FAT1: variants seen among roughly 807,000 people sequenced by gnomAD.
The protein encoded by FAT1 is FAT atypical cadherin 1.
Under a neutral mutation model 329.8 loss-of-function variants are expected in FAT1, and 171 were observed. The observed-to-expected ratio is 0.52, with a 90% confidence interval of 0.46 to 0.59. The LOEUF (loss-of-function observed/expected upper bound fraction) is 0.59, where lower values mean the gene tolerates loss of function less well. Among genes scored for constraint, FAT1 ranks in the 20% least tolerant of loss-of-function variants. FAT1 has a pLI of 0.00. For missense variants in FAT1, 5,672 were observed against 5,774.4 expected, an observed-to-expected ratio of 0.98 and a Z score of 0.57; for synonymous variants, 2,233 against 2,228.6, an observed-to-expected ratio of 1.00 and a Z score of -0.06.
At chr4:186,682,935 G>C (rs1453664768) in intron 2 of FAT1, among the ~76,000 whole-genome samples, 2 of 152,188 alleles carry the variant, frequency 1.3e-5, no homozygotes, top group Non-Finnish European at 2.9e-5. Context: ...CCACAAAACG[G>C]AGTCCTCTCC....
At chr4:186,689,063 G>A (rs977162498) in intron 2 of FAT1, among the ~76,000 whole-genome samples, 4 of 152,186 alleles carry the variant, frequency 2.6e-5, no homozygotes, top group African/African-American at 9.7e-5. Context: ...GAAAAGCATG[G>A]GTTTTGAATT....
At chr4:186,590,543 T>G in intron 26 of FAT1, 1 of 479,618 alleles carries the variant, frequency 2.1e-6, no homozygotes, top group Non-Finnish European at 4.0e-6. Context: ...CTTACGCCAG[T>G]ATCTATGACA....
chr4:186,614,577 C>T (rs1739615154), intron 11 of FAT1, among the ~76,000 whole-genome samples: 1 of 152,176 alleles, frequency 6.6e-6, no homozygotes, highest in Admixed American at 6.5e-5. Context: ...AAGAGCCTGG[C>T]CTGACATTTA....
chr4:186,636,748 G>A lies in FAT1; in HGVS notation c.3809C>T (p.Pro1270Leu), dbSNP rs749853000. The A allele has an allele frequency of 1.4e-5, 23 of 1,613,678 alleles. No homozygotes were observed. Among genetic ancestry groups the A allele is most frequent in the Admixed American group, 3.3e-5 (2 of 59,968 alleles). ...PDRERNARRE[P>L]LYHVIATDKD... ...GTCGGTGGCTATGACGTGATAGAGC[G>A]GCTCCCGTCTGGCATTTCTTTCTCG... The change falls in exon 5 of 27, where the codon CCG becomes CTG. Residue 1270 changes from proline to leucine, a missense_variant. Coordinates refer to ENST00000441802, the MANE Select transcript of FAT1 (RefSeq NM_005245.4).
chr4:186,652,330 G>C (rs1741707473), intron 3 of FAT1, among the ~76,000 whole-genome samples: 1 of 152,092 alleles, frequency 6.6e-6, no homozygotes, highest in African/African-American at 2.4e-5. Context: ...CTAATCTCAG[G>C]CACCCAAATG....
intron 3 of FAT1, among the ~76,000 whole-genome samples, chr4:186,658,982 G>A (rs529013218): frequency 5.9e-5 from 9 of 152,328 alleles, no homozygotes; most frequent in South Asian, 2.1e-4. Context: ...ACACGGCCAC[G>A]CACTGCATAA....
rs376182100 is a variant in FAT1 at position 186,617,447 on chromosome 4, A to G, written c.8879-246T>C. Among the ~76,000 whole-genome samples the G allele has an allele frequency of 7.2e-5, 11 of 152,346 alleles. 1 individual carries two copies. Among genetic ancestry groups the G allele is most frequent in the Admixed American group, 6.5e-5 (1 of 15,300 alleles). ...ATTAAAACTATAGATGTTTTTAATT[A>G]TATTTATTATACACTAAGTATAAGG... On this transcript the variant is annotated intron_variant, in intron 10 of 26. Coordinates refer to ENST00000441802, the MANE Select transcript of FAT1 (RefSeq NM_005245.4).
intron 7 of FAT1, among the ~76,000 whole-genome samples, chr4:186,629,669 A>G (rs1740495895): frequency 6.6e-6 from 1 of 152,228 alleles, no homozygotes; most frequent in African/African-American, 2.4e-5. Flanking sequence ...AGAGCGGTCA[A>G]CCACATGGTG....
chr4:186,707,777 G>T lies in FAT1; in HGVS notation c.2051C>A (p.Ala684Glu). 1 of 1,613,640 alleles carries T rather than the reference G, an allele frequency of 6.2e-7. No individual in the cohort carries two copies. The highest frequency in any genetic ancestry group is 8.5e-7 in the Non-Finnish European group (1 of 1,179,888). Residue 684 changes from alanine to glutamate, a missense_variant, in exon 2 of 27, where the codon GCA becomes GAA. Ala to Glu is a moderately radical substitution (Grantham distance 107). Around this residue, in one of 2 missense-constraint regions of FAT1, gnomAD observed 3,966 missense variants for 3,915.2 expected, o/e 1.01. Transcript: ENST00000441802. ...CEETGVAKML[A>E]EKLLQANKLH... ...TTTATTTGCCTGCAGGAGCTTCTCT[G>T]CCAGCATTTTGGCAACACCAGTCTC...
intron 2 of FAT1, among the ~76,000 whole-genome samples, chr4:186,666,440 A>G (rs1414439046): frequency 6.6e-6 from 1 of 152,240 alleles, no homozygotes; most frequent in Non-Finnish European, 1.5e-5. Context: ...ACGTCAGGGG[A>G]TAACAGAATG....
In FAT1 at chr4:186,620,710, A is replaced by G. The variant is rs772173652; in HGVS notation, c.5876T>C (p.Phe1959Ser). 1 of 1,614,024 alleles carries G rather than the reference A, an allele frequency of 6.2e-7. No homozygotes were observed. The highest frequency in any genetic ancestry group is 8.5e-7 in the Non-Finnish European group (1 of 1,179,898). Residue 1959 changes from phenylalanine to serine, a missense_variant, in exon 10 of 27, where the codon TTT becomes TCT. Phe to Ser is a radical substitution (Grantham distance 155). This residue lies in a region of FAT1 where 3,966 missense variants were observed against 3,915.2 expected (regional missense o/e 1.01). Transcript: ENST00000441802. ...AATTTTGACAGAGGTAAGGCCGGCA[A>G]ATCTGCCATCGGAAGCTCTAACGGT... ...ELTVRASDGR[F>S]AGLTSVKINV...
In FAT1 at chr4:186,619,791, A is replaced by G. The variant is rs1379605009; in HGVS notation, c.6795T>C (p.Ala2265=). The G allele has an allele frequency of 6.2e-7, 1 of 1,614,056 alleles. No individual in the cohort carries two copies. The highest frequency in any genetic ancestry group is 1.3e-5 in the African/African-American group (1 of 75,058). Residue 2265 remains alanine (A), a synonymous_variant, in exon 10 of 27, where the codon GCT becomes GCC. Transcript: ENST00000441802. ...CTACTATGATGTCCACAAATACTTC[A>G]GCATGAGCGCCCGTCAAGGAGTCAG... ...RATDSLTGAH[A]EVFVDIIVDD... is the part of the protein sequence containing the mutation.
intron 26 of FAT1, among the ~76,000 whole-genome samples, chr4:186,594,681 T>C (rs944291712): frequency 1.0e-5 from 1 of 95,448 alleles, no homozygotes; most frequent in African/African-American, 3.7e-5. Context: ...TGAAAGTATA[T>C]ATATATATAT....
At chr4:186,686,236 T>TCCCCC (rs1420782301) in intron 2 of FAT1, among the ~76,000 whole-genome samples, 2 of 97,172 alleles carry the variant, frequency 2.1e-5, no homozygotes, top group African/African-American at 6.4e-5. Context: ...TTGAGAATTT[T>TCCCCC]CACCCCCCCC....
chr4:186,654,941 C>T (rs1377526209), intron 3 of FAT1, among the ~76,000 whole-genome samples: 1 of 151,522 alleles, frequency 6.6e-6, no homozygotes. Flanking sequence ...AAAAACTTCA[C>T]TCTACAGGAT....
chr4:186,664,934 T>C (rs551692347), intron 2 of FAT1, among the ~76,000 whole-genome samples: 1 of 152,168 alleles, frequency 6.6e-6, no homozygotes, highest in Non-Finnish European at 1.5e-5. Flanking sequence ...TTGAGAAAAA[T>C]ACACTGTTGC....
intron 2 of FAT1, among the ~76,000 whole-genome samples, chr4:186,692,778 G>A (rs759502160): frequency 6.6e-6 from 1 of 152,104 alleles, no homozygotes; most frequent in Admixed American, 6.5e-5. Flanking sequence ...CTACGGGACA[G>A]CAATAAATCA....
At chr4:186,691,419 A>G (rs988445746) in intron 2 of FAT1, among the ~76,000 whole-genome samples, 2 of 152,370 alleles carry the variant, frequency 1.3e-5, no homozygotes, top group African/African-American at 4.8e-5. Context: ...CCATCTCTAC[A>G]TTAGGTTTCT....
intron 2 of FAT1, among the ~76,000 whole-genome samples, chr4:186,675,995 A>G (rs1742939677): frequency 6.6e-6 from 1 of 152,194 alleles, no homozygotes. Flanking sequence ...TGCAAAAGAA[A>G]CAAAAAGAAG....
Sources: allele counts gnomAD v4.1 joint callset (sites outside exome capture counted in the v4.1 genomes callset), GRCh38; gene constraint gnomAD v4.1.1; regional missense constraint gnomAD v4.1.1; transcripts MANE v1.5; gene names NCBI Gene and HGNC (gene_info 2026-07-23, HGNC 2026-07-21).